ABCA12: variants seen among roughly 807,000 people sequenced by gnomAD.
The protein encoded by ABCA12 is glucosylceramide transporter ABCA12.
In ABCA12, 156 loss-of-function variants were observed where a neutral mutation model predicts 293.5. That is an observed-to-expected ratio of 0.53 (90% CI 0.47 to 0.61). ABCA12 has a LOEUF of 0.61. Among genes scored for constraint, ABCA12 ranks in the 20% least tolerant of loss-of-function variants. ABCA12 has a pLI of 0.00. For missense variants in ABCA12, 2,797 were observed against 3,090.2 expected, an observed-to-expected ratio of 0.91 and a Z score of 2.25; for synonymous variants, 1,063 against 1,108.0, an observed-to-expected ratio of 0.96 and a Z score of 0.81.
intron 17 of ABCA12, among the ~76,000 whole-genome samples, chr2:215,010,901 T>C (rs757229326): frequency 6.6e-6 from 1 of 152,184 alleles, no homozygotes; most frequent in Non-Finnish European, 1.5e-5. Flanking sequence ...TAAACACCCA[T>C]ATATTATTTG....
intron 2 of ABCA12, among the ~76,000 whole-genome samples, chr2:215,081,492 AGAAAAAG>A (rs1559183006): frequency 1.3e-4 from 7 of 54,126 alleles, no homozygotes; most frequent in African/African-American, 4.9e-4. Context: ...AAAAAAAAAA[AGAAAAAG>A]AAAAAAGAAA....
intron 51 of ABCA12, among the ~76,000 whole-genome samples, chr2:214,936,251 C>T (rs1358853601): frequency 6.6e-6 from 1 of 152,176 alleles, no homozygotes; most frequent in Non-Finnish European, 1.5e-5. Flanking sequence ...GTGTAAGCTA[C>T]CTGCCTGTTT....
At chr2:215,115,812 A>T (rs1307568940) in intron 1 of ABCA12, among the ~76,000 whole-genome samples, 2 of 152,160 alleles carry the variant, frequency 1.3e-5, no homozygotes, top group Non-Finnish European at 2.9e-5. Context: ...GTACTTGAGG[A>T]GCCACAGCTA....
intron 4 of ABCA12, among the ~76,000 whole-genome samples, chr2:215,054,087 AAGTGTAC>A (rs1489012543): frequency 2.1e-4 from 32 of 152,062 alleles, no homozygotes; most frequent in African/African-American, 7.2e-4. Context: ...TGTGAGGAAG[AAGTGTAC>A]AGCTGAAAGA....
Position 214,975,921 on chromosome 2 carries a change from C to T in ABCA12, c.5245G>A (p.Ala1749Thr). 6.2e-7 allele frequency: 1 copy of T among 1,614,102 alleles called. No homozygotes were observed. The highest frequency in any genetic ancestry group is 2.2e-5 in the East Asian group (1 of 44,876). ...HTRRNWKGLIAQVILPIVFVT... is the reference protein window; with the variant it reads ...HTRRNWKGLITQVILPIVFVT... The stretch of plus-strand genomic sequence containing the variant: ...AAGACGATGGGGAGGATAACCTGAG[C>T]AATGAGACCTTTCCAGTTCCTGCGG... Residue 1749 changes from alanine (A) to threonine (T), a missense_variant, in exon 34 of 53, where the codon GCT (alanine) becomes ACT (threonine). Around this residue, in one of 3 missense-constraint regions of ABCA12, gnomAD observed 2,130 missense variants for 2,427.0 expected, o/e 0.88. Coordinates refer to ENST00000272895, the MANE Select transcript of ABCA12 (RefSeq NM_173076.3).
chr2:214,951,224 A>G lies in ABCA12; in HGVS notation c.6648-141T>C. 12 of 777,870 alleles carry G rather than the reference A, an allele frequency of 1.5e-5. No homozygotes were observed. In the South Asian group the frequency reaches 1.8e-4, roughly 12 times the overall value. The allele number at this position is 777,870 out of a possible 1,614,324, so 48.2% of individuals were successfully genotyped here. ...TTTTACATTTGTAATGAATTATGCT[A>G]CTCAGATAACTTAAATCAGTATAGA... On this transcript the variant is annotated intron_variant, in intron 44 of 52. Coordinates refer to ENST00000272895, the MANE Select transcript of ABCA12 (RefSeq NM_173076.3).
At chr2:215,104,889 T>C (rs1186013239) in intron 2 of ABCA12, among the ~76,000 whole-genome samples, 1 of 152,210 alleles carries the variant, frequency 6.6e-6, no homozygotes, top group Non-Finnish European at 1.5e-5. Context: ...ATGGGCATTA[T>C]AGACATTATT....
chr2:215,052,130 T>C (rs1701332282), intron 5 of ABCA12, among the ~76,000 whole-genome samples: 1 of 152,184 alleles, frequency 6.6e-6, no homozygotes, highest in South Asian at 2.1e-4. Context: ...ACTTGATTAG[T>C]ATGGATGAGG....
chr2:215,128,539 AG>A, intron 1 of ABCA12, among the ~76,000 whole-genome samples: 1 of 150,142 alleles, frequency 6.7e-6, no homozygotes, highest in South Asian at 2.1e-4. Flanking sequence ...ATTAATTCTA[AG>A]ACCTTGTCTT....
chr2:215,105,622 C>T (rs766998113), intron 2 of ABCA12, among the ~76,000 whole-genome samples: 29 of 151,594 alleles, frequency 1.9e-4, no homozygotes, highest in South Asian at 2.1e-4. Flanking sequence ...CACACACACA[C>T]GCACTTTCAC....
Position 214,989,432 on chromosome 2 carries a change from C to A in ABCA12, c.3726G>T (p.Pro1242=), listed in dbSNP as rs71428357. ...CAAATGAGGTGGTGTCATCCTGAAC[C>A]GGGGAGGTGTACATATTTTCCCACT... is the stretch of plus-strand genomic sequence containing the variant. The part of the protein sequence containing the change: ...GLQWENMYTS[P]VQDDTTSFGW... The change falls in exon 26 of 53, where the codon CCG becomes CCT. Residue 1242 remains proline (P), a synonymous_variant. Transcript: ENST00000272895. 1.2e-6 allele frequency: 2 copies of A among 1,613,028 alleles called. No individual in the cohort carries two copies. Among genetic ancestry groups the A allele is most frequent in the South Asian group, 2.2e-5 (2 of 91,040 alleles).
At chr2:215,101,520 C>G (rs943711850) in intron 2 of ABCA12, among the ~76,000 whole-genome samples, 1 of 152,140 alleles carries the variant, frequency 6.6e-6, no homozygotes, top group Non-Finnish European at 1.5e-5. Context: ...GTTTGTAAAT[C>G]CCCAAAATAG....
chr2:215,040,804 T>C (rs1326041033), intron 7 of ABCA12, among the ~76,000 whole-genome samples: 2 of 150,336 alleles, frequency 1.3e-5, no homozygotes, highest in Non-Finnish European at 2.9e-5. Flanking sequence ...AGAGGGAGAC[T>C]CCGTCTCAAA....
In ABCA12 at chr2:214,958,939, C is replaced by T. The variant is rs548130849; in HGVS notation, c.5939+85G>A. On this transcript the variant is annotated intron_variant, in intron 40 of 52. Transcript: ENST00000272895. ...TTCTAGATTGACATTCATTCAGATA[C>T]AACTGTGATTTCCAATTACAGCACT... 4.1e-5 allele frequency: 54 copies of T among 1,307,208 alleles called. No homozygotes were observed. In the South Asian group the frequency reaches 6.2e-4, roughly 15 times the overall value. 81.0% of individuals were successfully genotyped at this position (1,307,208 alleles called of 1,614,324 possible).
intron 1 of ABCA12, among the ~76,000 whole-genome samples, chr2:215,134,396 ATG>A (rs1489732079): frequency 1.4e-5 from 2 of 146,098 alleles, no homozygotes; most frequent in African/African-American, 5.0e-5. Context: ...ATATATGTAT[ATG>A]TGTATATATG....
intron 31 of ABCA12, among the ~76,000 whole-genome samples, chr2:214,979,455 T>TA (rs1399061721): frequency 1.3e-5 from 2 of 152,110 alleles, no homozygotes; most frequent in African/African-American, 4.8e-5. Flanking sequence ...TTACCCTACT[T>TA]AAATATTGCC....
intron 2 of ABCA12, among the ~76,000 whole-genome samples, chr2:215,099,986 A>T (rs374600856): frequency 6.6e-6 from 1 of 151,280 alleles, no homozygotes; most frequent in Non-Finnish European, 1.5e-5. Flanking sequence ...AAAACCCTAC[A>T]TGATGAAATT....
At chr2:215,038,583 C>A (rs1701036078) in intron 7 of ABCA12, among the ~76,000 whole-genome samples, 1 of 152,172 alleles carries the variant, frequency 6.6e-6, no homozygotes, top group Non-Finnish European at 1.5e-5. Flanking sequence ...ACACCTCAGG[C>A]ATTTTTATGT....
chr2:215,031,597 T>C (rs1481231164), intron 9 of ABCA12, among the ~76,000 whole-genome samples: 1 of 152,190 alleles, frequency 6.6e-6, no homozygotes, highest in African/African-American at 2.4e-5. Flanking sequence ...AGCTCAGAAC[T>C]GAAAAAGAGA....
Sources: gnomAD v4.1 joint callset for allele counts (sites outside exome capture counted in the v4.1 genomes callset) on GRCh38, gnomAD v4.1.1 for gene constraint, gnomAD v4.1.1 regional missense constraint, MANE v1.5 for transcripts, NCBI Gene and HGNC (gene_info 2026-07-23, HGNC 2026-07-21) for gene names.